Variants in YPEL5 observed in about 807,000 individuals in gnomAD.
YPEL5 encodes the protein protein yippee-like 5.
YPEL5 carries 1 observed loss-of-function variant against 10.5 expected under a neutral mutation model. That is an observed-to-expected ratio of 0.10 (90% CI 0.03 to 0.45). YPEL5 has a LOEUF of 0.45. YPEL5 is among the 20% of genes least tolerant of loss of function. The pLI, the probability that YPEL5 is intolerant of heterozygous loss-of-function variation, is 0.97. For synonymous variants in YPEL5, 61 were observed against 56.6 expected, an observed-to-expected ratio of 1.08 and a Z score of -0.35; for missense variants, 68 against 159.3, an observed-to-expected ratio of 0.43 and a Z score of 3.09.
intron 1 of YPEL5, among the ~76,000 whole-genome samples, chr2:30,155,630 GATA>G (rs1382705365): frequency 6.6e-6 from 1 of 152,166 alleles, no homozygotes; most frequent in African/African-American, 2.4e-5. Context: ...TACTGTTTAG[GATA>G]ATTAGTTATG....
intron 1 of YPEL5, among the ~76,000 whole-genome samples, chr2:30,151,641 A>G (rs1405416121): frequency 6.6e-6 from 1 of 152,180 alleles, no homozygotes; most frequent in Non-Finnish European, 1.5e-5. Flanking sequence ...AAATAGTACC[A>G]AAGAGGCCTT....
intron 1 of YPEL5, among the ~76,000 whole-genome samples, chr2:30,152,883 G>GTTC (rs1553324755): frequency 2.7e-5 from 4 of 145,526 alleles, no homozygotes; most frequent in African/African-American, 5.1e-5. Context: ...TTTAATGACT[G>GTTC]TCCTTTGTTT....
At chr2:30,153,502 T>A (rs1007079023) in intron 1 of YPEL5, among the ~76,000 whole-genome samples, 4 of 152,142 alleles carry the variant, frequency 2.6e-5, no homozygotes, top group African/African-American at 7.2e-5. Context: ...ACACAAACAT[T>A]GAGACCATAG....
rs759106199 is a variant in YPEL5, at chr2:30,158,755, G to A, written c.278G>A (p.Arg93Gln). 22 of 1,614,068 alleles carry A rather than the reference G, an allele frequency of 1.4e-5. No individual in the cohort carries two copies. Among genetic ancestry groups the A allele is most frequent in the Admixed American group, 3.3e-5 (2 of 60,000 alleles). Residue 93 changes from arginine (R) to glutamine (Q), a missense_variant, in exon 3 of 3, where the codon CGA (arginine) becomes CAA (glutamine). Around this residue, in one of 2 missense-constraint regions of YPEL5, gnomAD observed 48 missense variants for 138.4 expected, o/e 0.35. Transcript: ENST00000261353. ...GAGTTTGCCACTGAAGACAGCCAGC[G>A]ATATAAGGAAGGCCGCGTGATCCTG... ...IYEFATEDSQ[R>Q]YKEGRVILER...
Position 30,158,967 on chromosome 2 carries a change from A to C in YPEL5, c.*124A>C. ...AACTGCGGAACAAGAGGTTGTGAGA[A>C]TCTAAGATGGAACCTTTCTTTCTTT... On this transcript the variant is annotated 3_prime_UTR_variant, in exon 3 of 3. Transcript: ENST00000261353. The C allele has an allele frequency of 1.2e-6, 1 of 868,250 alleles. No individual in the cohort carries two copies. The highest frequency in any genetic ancestry group is 2.6e-5 in the East Asian group (1 of 37,784). 53.8% of individuals were successfully genotyped at this position (868,250 alleles called of 1,614,324 possible).
At chr2:30,157,541 C>G (rs1185786832) in intron 2 of YPEL5, among the ~76,000 whole-genome samples, 2 of 152,198 alleles carry the variant, frequency 1.3e-5, no homozygotes, top group Non-Finnish European at 2.9e-5. Flanking sequence ...CATGGATTTG[C>G]TGACAGGAAG....
Position 30,150,603 on chromosome 2 carries a change from A to G in YPEL5, c.-25+3541A>G, listed in dbSNP as rs1353362131. Reference sequence around the variant, plus strand: ...CTTCAACATGCTGAACTGGTTACGGAAAGTTAAGGATTTTAGCTAGAAAAT... The same window carrying G: ...CTTCAACATGCTGAACTGGTTACGGGAAGTTAAGGATTTTAGCTAGAAAAT... On this transcript the variant is annotated intron_variant, in intron 1 of 2. Transcript: ENST00000261353. Among the ~76,000 whole-genome samples the G allele has an allele frequency of 2.6e-5, 4 of 152,198 alleles. 1 individual carries two copies. Among genetic ancestry groups the G allele is most frequent in the Admixed American group, 2.0e-4 (3 of 15,282 alleles).
chr2:30,149,627 GA>G (rs1675685989), intron 1 of YPEL5, among the ~76,000 whole-genome samples: 1 of 152,352 alleles, frequency 6.6e-6, no homozygotes, highest in South Asian at 2.1e-4. Flanking sequence ...CGAGGGAAGA[GA>G]TTAAAAACGA....
chr2:30,158,738 C>A lies in YPEL5; in HGVS notation c.261C>A (p.Ala87=), dbSNP rs1173932171. Residue 87 remains alanine (A), a synonymous_variant, in exon 3 of 3, where the codon GCC becomes GCA. Coordinates refer to ENST00000261353, the MANE Select transcript of YPEL5 (RefSeq NM_016061.3). ...NSKLGWIYEF[A]TEDSQRYKEG... ...AACTGGGATGGATCTATGAGTTTGCCACTGAAGACAGCCAGCGATATAAGG... is the reference window on the plus strand; with the variant it reads ...AACTGGGATGGATCTATGAGTTTGCAACTGAAGACAGCCAGCGATATAAGG... 1.9e-6 allele frequency: 3 copies of A among 1,614,162 alleles called. No individual in the cohort carries two copies. Among genetic ancestry groups the A allele is most frequent in the South Asian group, 2.2e-5 (2 of 91,076 alleles).
chr2:30,158,797 G>C lies in YPEL5; in HGVS notation c.320G>C (p.Arg107Pro). ...GTGATCCTGGAACGTGCTCTAGTTC[G>C]AGAGAGTGAGGGCTTTGAGGAGCAT... ...GRVILERALV[R>P]ESEGFEEHVP... Residue 107 changes from arginine to proline, a missense_variant, in exon 3 of 3, where the codon CGA becomes CCA. By Grantham distance (103) the Arg-to-Pro change is moderately radical. Transcript: ENST00000261353. 1 of 1,614,170 alleles carries C rather than the reference G, an allele frequency of 6.2e-7. No homozygotes were observed. The highest frequency in any genetic ancestry group is 8.5e-7 in the Non-Finnish European group (1 of 1,180,014).
In YPEL5 at chr2:30,149,674, G is replaced by A. The variant is rs550010538; in HGVS notation, c.-25+2612G>A. ...CTGGCTTCCACGGGATTCCATTTTA[G>A]CAGAGTCATTGCGAAACAAAACCAC... On this transcript the variant is annotated intron_variant, in intron 1 of 2. Coordinates refer to ENST00000261353, the MANE Select transcript of YPEL5 (RefSeq NM_016061.3). Among the ~76,000 whole-genome samples the A allele has an allele frequency of 1.4e-4, 22 of 152,330 alleles. No homozygotes were observed. The East Asian group carries it at 3.3e-3, about 23-fold the overall frequency.
At position 30,158,936 on chromosome 2, in the gene YPEL5, T is replaced by C. The variant is rs1322070069; in HGVS notation, c.*93T>C. The C allele has an allele frequency of 1.7e-6, 2 of 1,158,700 alleles. No homozygotes were observed. Among genetic ancestry groups the C allele is most frequent in the Non-Finnish European group, 2.5e-6 (2 of 808,870 alleles). 71.8% of individuals were successfully genotyped at this position (1,158,700 alleles called of 1,614,324 possible). Reference sequence around the variant, plus strand: ...CTGTCACCTTAGCATCAGAGTCGGATTAATGAACTGCGGAACAAGAGGTTG... The same window carrying C: ...CTGTCACCTTAGCATCAGAGTCGGACTAATGAACTGCGGAACAAGAGGTTG... On this transcript the variant is annotated 3_prime_UTR_variant, in exon 3 of 3. Coordinates refer to ENST00000261353, the MANE Select transcript of YPEL5 (RefSeq NM_016061.3).
At chr2:30,149,470 CTG>C (rs1490744966) in intron 1 of YPEL5, among the ~76,000 whole-genome samples, 1 of 152,190 alleles carries the variant, frequency 6.6e-6, no homozygotes, top group East Asian at 1.9e-4. Flanking sequence ...ATGGATCAAA[CTG>C]TTTTCCCATG....
intron 1 of YPEL5, among the ~76,000 whole-genome samples, chr2:30,154,984 C>G (rs764505185): frequency 6.6e-6 from 1 of 152,166 alleles, no homozygotes; most frequent in Non-Finnish European, 1.5e-5. Context: ...GGTGATCCGC[C>G]CACCTCAGAC....
intron 2 of YPEL5, 115 bp from the exon 3 acceptor site, chr2:30,158,500 AAACT>A: frequency 1.0e-6 from 1 of 965,952 alleles, no homozygotes. Context: ...AGGTTTGACT[AAACT>A]AACAAGTTCT....
At position 30,159,176 on chromosome 2, in the gene YPEL5, T is replaced by C. The variant is rs1676172855; in HGVS notation, c.*333T>C. On this transcript the variant is annotated 3_prime_UTR_variant, in exon 3 of 3. Transcript: ENST00000261353. ...TGTTAGAGTGAAAAAGTGTGTTTTA[T>C]GTCAATTGTGAAAGGAAAATGTTAG... The C allele has an allele frequency of 8.8e-6, 2 of 226,530 alleles. No homozygotes were observed. Among genetic ancestry groups the C allele is most frequent in the South Asian group, 2.0e-4 (2 of 9,976 alleles). The allele number at this position is 226,530 out of a possible 1,614,324, so 14.0% of individuals were successfully genotyped here.
chr2:30,147,356 A>C (rs1221482217), intron 1 of YPEL5, among the ~76,000 whole-genome samples: 1 of 148,514 alleles, frequency 6.7e-6, no homozygotes, highest in Non-Finnish European at 1.5e-5. Flanking sequence ...CCGGTGCGAC[A>C]ACAGCCGCAA....
rs773210284 is a variant in YPEL5 at position 30,156,807 on chromosome 2, G to A, written c.141+15G>A. The A allele has an allele frequency of 2.5e-6, 4 of 1,613,834 alleles. No homozygotes were observed. The highest frequency in any genetic ancestry group is 2.7e-5 in the African/African-American group (2 of 74,914). ...TTTTTAACAAGGTTAGTGAGAAAAA[G>A]TTTGATTCCTAAGTGGGCTTATTGG... is the stretch of plus-strand genomic sequence containing the variant. On this transcript the variant is annotated intron_variant, in intron 2 of 2. Coordinates refer to ENST00000261353, the MANE Select transcript of YPEL5 (RefSeq NM_016061.3).
chr2:30,150,601 G>C (rs1675737310), intron 1 of YPEL5, among the ~76,000 whole-genome samples: 1 of 152,124 alleles, frequency 6.6e-6, no homozygotes, highest in East Asian at 1.9e-4. Context: ...AACTGGTTAC[G>C]GAAAGTTAAG....
Sources: gnomAD v4.1 joint callset for allele counts (sites outside exome capture counted in the v4.1 genomes callset) on GRCh38, gnomAD v4.1.1 for gene constraint, gnomAD v4.1.1 regional missense constraint, MANE v1.5 for transcripts, NCBI Gene and HGNC (gene_info 2026-07-23, HGNC 2026-07-21) for gene names.